Variants in EXOC6B observed in about 807,000 individuals in gnomAD.
EXOC6B encodes exocyst complex component 6B, also known as SEC15 homolog B.
EXOC6B carries 54 observed loss-of-function variants against 113.5 expected under a neutral mutation model. The observed-to-expected ratio is 0.48, with a 90% confidence interval of 0.38 to 0.60. EXOC6B has a LOEUF of 0.60. Ranked by LOEUF, EXOC6B falls within the 20% of genes least tolerant of loss-of-function variation. The pLI, the probability that EXOC6B is intolerant of heterozygous loss-of-function variation, is 0.00. For missense variants in EXOC6B, 797 were observed against 977.5 expected (o/e 0.82, Z 2.46); for synonymous variants, 357 against 339.0 (o/e 1.05, Z -0.58).
At chr2:72,519,073 GC>G (rs1701360644) in intron 8 of EXOC6B, among the ~76,000 whole-genome samples, 1 of 152,080 alleles carries the variant, frequency 6.6e-6, no homozygotes, top group Non-Finnish European at 1.5e-5. Flanking sequence ...TTGTGAATTT[GC>G]CTACTTGCTA....
chr2:72,180,858 T>G (rs1344181031), intron 21 of EXOC6B, among the ~76,000 whole-genome samples: 1 of 152,038 alleles, frequency 6.6e-6, no homozygotes, highest in East Asian at 1.9e-4. Flanking sequence ...GGCAAAAAGG[T>G]TCTAATGAGC....
intron 20 of EXOC6B, among the ~76,000 whole-genome samples, chr2:72,326,571 CAAA>C (rs1688140226): frequency 1.3e-5 from 2 of 152,058 alleles, no homozygotes; most frequent in Non-Finnish European, 2.9e-5. Context: ...CCAATGCCTT[CAAA>C]CTGACTGACT....
chr2:72,551,707 A>G (rs1457935318), intron 8 of EXOC6B, among the ~76,000 whole-genome samples: 1 of 149,646 alleles, frequency 6.7e-6, no homozygotes, highest in African/African-American at 2.5e-5. Context: ...ATGGGGTTTC[A>G]CCATGGTCTC....
chr2:72,745,486 C>T (rs1173386459), intron 1 of EXOC6B, among the ~76,000 whole-genome samples: 1 of 151,682 alleles, frequency 6.6e-6, no homozygotes, highest in Non-Finnish European at 1.5e-5. Context: ...CGTAAAACAC[C>T]CATATTTAAA....
intron 18 of EXOC6B, among the ~76,000 whole-genome samples, chr2:72,406,160 A>G (rs1452924135): frequency 6.6e-6 from 1 of 152,214 alleles, no homozygotes. Context: ...TCACTATCCT[A>G]AATATATATG....
intron 6 of EXOC6B, among the ~76,000 whole-genome samples, chr2:72,615,971 T>G (rs1671365070): frequency 6.6e-6 from 1 of 152,052 alleles, no homozygotes; most frequent in South Asian, 2.1e-4. Flanking sequence ...GTTTTTAAAA[T>G]TTTTCAATGT....
At chr2:72,634,975 G>A (rs1022469655) in intron 6 of EXOC6B, among the ~76,000 whole-genome samples, 4 of 151,728 alleles carry the variant, frequency 2.6e-5, no homozygotes, top group African/African-American at 9.7e-5. Flanking sequence ...TAATATATGG[G>A]TCAAGAAAAC....
intron 20 of EXOC6B, among the ~76,000 whole-genome samples, chr2:72,226,988 A>C (rs1681284618): frequency 6.6e-6 from 1 of 152,232 alleles, no homozygotes; most frequent in Non-Finnish European, 1.5e-5. Flanking sequence ...CACTATATAA[A>C]ACCAAAAGAA....
intron 20 of EXOC6B, among the ~76,000 whole-genome samples, chr2:72,207,172 C>A (rs954069987): frequency 6.6e-6 from 1 of 152,116 alleles, no homozygotes; most frequent in Non-Finnish European, 1.5e-5. Flanking sequence ...AGCTATATAC[C>A]GTACTAACTT....
intron 18 of EXOC6B, among the ~76,000 whole-genome samples, chr2:72,401,155 T>C (rs192826825): frequency 3.2e-4 from 48 of 151,706 alleles, no homozygotes; most frequent in Middle Eastern, 3.4e-3. Context: ...AGAGATGAGT[T>C]CCATATAAGA....
intron 7 of EXOC6B, among the ~76,000 whole-genome samples, chr2:72,566,325 T>C (rs1216553497): frequency 6.6e-6 from 1 of 152,162 alleles, no homozygotes; most frequent in Non-Finnish European, 1.5e-5. Context: ...CATAATGCAT[T>C]TGAGATTCAT....
At chr2:72,189,014 G>A (rs1230581280) in intron 20 of EXOC6B, among the ~76,000 whole-genome samples, 6 of 152,018 alleles carry the variant, frequency 3.9e-5, no homozygotes, top group Non-Finnish European at 7.4e-5. Context: ...GTGTTCCTAA[G>A]GATTAGGAAT....
intron 18 of EXOC6B, among the ~76,000 whole-genome samples, chr2:72,437,464 C>T (rs1695948164): frequency 6.6e-6 from 1 of 152,224 alleles, no homozygotes; most frequent in African/African-American, 2.4e-5. Flanking sequence ...AGCTGGCAGG[C>T]AGGAATATTT....
chr2:72,759,026 A>G (rs1384380481), intron 1 of EXOC6B, among the ~76,000 whole-genome samples: 1 of 152,230 alleles, frequency 6.6e-6, no homozygotes, highest in East Asian at 1.9e-4. Flanking sequence ...CAACAAAGGC[A>G]GTATAGCACA....
chr2:72,611,409 T>C (rs1671067615), intron 6 of EXOC6B, among the ~76,000 whole-genome samples: 1 of 151,438 alleles, frequency 6.6e-6, no homozygotes, highest in Non-Finnish European at 1.5e-5. Flanking sequence ...AGGAAAGATT[T>C]AGAAACCATT....
intron 1 of EXOC6B, among the ~76,000 whole-genome samples, chr2:72,750,996 A>G (rs1000212864): frequency 6.6e-6 from 1 of 152,140 alleles, no homozygotes; most frequent in Middle Eastern, 3.2e-3. Context: ...ATTAATATGT[A>G]TACATTAAAA....
chr2:72,327,528 A>G (rs1257190815), intron 20 of EXOC6B, among the ~76,000 whole-genome samples: 6 of 152,098 alleles, frequency 3.9e-5, no homozygotes, highest in Admixed American at 3.9e-4. Flanking sequence ...ATGGCCTTCC[A>G]AACATGCTAT....
At chr2:72,302,255 C>T (rs537665374) in intron 20 of EXOC6B, among the ~76,000 whole-genome samples, 79 of 151,974 alleles carry the variant, frequency 5.2e-4, no homozygotes, top group African/African-American at 1.8e-3. Context: ...GTTTTATGTT[C>T]GATTGTGTGG....
intron 6 of EXOC6B, among the ~76,000 whole-genome samples, chr2:72,662,092 G>A (rs1189110079): frequency 8.0e-6 from 1 of 124,870 alleles, no homozygotes; most frequent in African/African-American, 2.9e-5. Flanking sequence ...GGGGAGGGAC[G>A]GGGGAGGGAA....
Sources: allele counts gnomAD v4.1 joint callset (sites outside exome capture counted in the v4.1 genomes callset), GRCh38; gene constraint gnomAD v4.1.1; transcripts MANE v1.5; gene names NCBI Gene and HGNC (gene_info 2026-07-23, HGNC 2026-07-21).